Variants in SPATA13 observed in about 807,000 individuals in gnomAD.
The protein encoded by SPATA13 is spermatogenesis-associated protein 13.
Under a neutral mutation model 104.0 loss-of-function variants are expected in SPATA13, and 50 were observed. The observed-to-expected ratio is 0.48, with a 90% CI of 0.38 to 0.61. The LOEUF (loss-of-function observed/expected upper bound fraction) is 0.61. Among genes scored for constraint, SPATA13 ranks in the 20% least tolerant of loss-of-function variants. The pLI, the probability that SPATA13 is intolerant of heterozygous loss-of-function variation, is 0.00. For missense variants in SPATA13, 1,524 were observed against 1,690.6 expected (o/e 0.90, Z 1.73); for synonymous variants, 606 against 667.5 (o/e 0.91, Z 1.42).
chr13:24,200,813 A>G (rs1870353348), intron 1 of SPATA13, among the ~76,000 whole-genome samples: 1 of 151,946 alleles, frequency 6.6e-6, no homozygotes, highest in African/African-American at 2.4e-5. Flanking sequence ...ATCAAGTTTA[A>G]AACAAATAAA....
chr13:24,123,603 G>A, intron 3 of SPATA13: 3 of 1,606,956 alleles, frequency 1.9e-6, no homozygotes, highest in African/African-American at 2.7e-5. Flanking sequence ...ACTACAGGCT[G>A]TAAACAAAAG....
At chr13:24,044,376 G>A (rs539573012) in intron 3 of SPATA13, among the ~76,000 whole-genome samples, 9 of 151,898 alleles carry the variant, frequency 5.9e-5, no homozygotes, top group Non-Finnish European at 1.5e-5. Flanking sequence ...GGGACTACAG[G>A]CACCTGCCAC....
chr13:24,176,298 T>C (rs1282252446), intron 1 of SPATA13, among the ~76,000 whole-genome samples: 1 of 152,228 alleles, frequency 6.6e-6, no homozygotes, highest in African/African-American at 2.4e-5. Flanking sequence ...CTGGTGTCAG[T>C]ACTAAAGTTG....
At chr13:24,222,121 C>A (rs972997185) in intron 1 of SPATA13, among the ~76,000 whole-genome samples, 1 of 152,180 alleles carries the variant, frequency 6.6e-6, no homozygotes, top group Non-Finnish European at 1.5e-5. Context: ...CCCTGAATTT[C>A]TAATATACTT....
chr13:24,043,047 A>G (rs914642061), intron 3 of SPATA13, among the ~76,000 whole-genome samples: 1 of 152,218 alleles, frequency 6.6e-6, no homozygotes, highest in Admixed American at 6.5e-5. Context: ...GTTGAGTGGA[A>G]CACACACAAA....
intron 3 of SPATA13, among the ~76,000 whole-genome samples, chr13:24,099,159 A>G (rs1880178233): frequency 6.6e-6 from 1 of 152,180 alleles, no homozygotes; most frequent in Admixed American, 6.5e-5. Flanking sequence ...GAACCAATCC[A>G]TTCTCTTGAA....
At chr13:24,099,660 C>G (rs986148332) in intron 3 of SPATA13, among the ~76,000 whole-genome samples, 1 of 152,170 alleles carries the variant, frequency 6.6e-6, no homozygotes, top group Non-Finnish European at 1.5e-5. Context: ...GGACCAGGCC[C>G]CTGGATGTAG....
chr13:24,172,072 C>T (rs1281800087), intron 1 of SPATA13, among the ~76,000 whole-genome samples: 1 of 152,192 alleles, frequency 6.6e-6, no homozygotes, highest in Non-Finnish European at 1.5e-5. Flanking sequence ...CCCATCACCA[C>T]AGGATCCCTC....
chr13:24,197,602 A>AAG (rs926911549), intron 1 of SPATA13, among the ~76,000 whole-genome samples: 6 of 152,228 alleles, frequency 3.9e-5, no homozygotes, highest in African/African-American at 1.2e-4. Context: ...ATGAGAAAAA[A>AAG]AGAAATCTGA....
intron 7 of SPATA13, 149 bp from the exon 8 acceptor site, chr13:24,288,850 A>G (rs1035281637): frequency 1.8e-6 from 1 of 569,978 alleles, no homozygotes; most frequent in Non-Finnish European, 2.8e-6. Context: ...AATTGCAGTC[A>G]TGGAAGTACG....
chr13:24,130,514 T>A (rs1051688524), intron 3 of SPATA13, among the ~76,000 whole-genome samples: 4 of 152,216 alleles, frequency 2.6e-5, no homozygotes, highest in African/African-American at 9.7e-5. Flanking sequence ...GGGGTCAGTG[T>A]TCTGATTTAT....
At position 24,052,737 on chromosome 13, in the gene SPATA13, C is replaced by G. The variant is rs571637182; in HGVS notation, c.-112+35036C>G. Among the ~76,000 whole-genome samples, 37 of 151,050 alleles carry G rather than the reference C, an allele frequency of 2.4e-4. No individual in the cohort carries two copies. The East Asian group carries it at 7.0e-3, about 29-fold the overall frequency. On this transcript the variant is annotated intron_variant, in intron 3 of 14. Transcript: ENST00000424834. ...ATTTTATAAACAGAATATAAATATT[C>G]AGCATCCTGGCCTTGGACCCACGAC...
intron 2 of SPATA13, among the ~76,000 whole-genome samples, chr13:24,241,988 G>C (rs888384447): frequency 9.1e-4 from 139 of 151,980 alleles, no homozygotes; most frequent in Non-Finnish European, 9.0e-4. Flanking sequence ...GGGAGTTCAA[G>C]GCTGCAGTGA....
chr13:24,290,164 TGGC>T (rs1414247043), intron 8 of SPATA13, among the ~76,000 whole-genome samples: 1 of 152,142 alleles, frequency 6.6e-6, no homozygotes, highest in Non-Finnish European at 1.5e-5. Flanking sequence ...GAAGGGGTCT[TGGC>T]GGGCCCAGCC....
At chr13:24,270,779 T>A in intron 4 of SPATA13, 1 of 1,609,156 alleles carries the variant, frequency 6.2e-7, no homozygotes, top group Non-Finnish European at 8.5e-7. Flanking sequence ...GCCTGTGCAG[T>A]CCTCTGTGAT....
intron 3 of SPATA13, among the ~76,000 whole-genome samples, chr13:24,114,914 G>A (rs764827023): frequency 2.0e-5 from 3 of 152,102 alleles, no homozygotes; most frequent in African/African-American, 7.2e-5. Context: ...CGCCCACCTC[G>A]GCCTCCCAAA....
intron 2 of SPATA13, among the ~76,000 whole-genome samples, chr13:24,233,992 C>G (rs895430114): frequency 6.6e-6 from 1 of 152,006 alleles, no homozygotes; most frequent in Non-Finnish European, 1.5e-5. Context: ...TAGTTTTGAA[C>G]TTTCCAGTGG....
At chr13:24,113,465 G>C (rs1008774793) in intron 3 of SPATA13, among the ~76,000 whole-genome samples, 1 of 152,034 alleles carries the variant, frequency 6.6e-6, no homozygotes, top group South Asian at 2.1e-4. Flanking sequence ...TTAGCCAAGC[G>C]TGGTGGCATG....
chr13:24,041,826 G>A (rs1474456308), intron 3 of SPATA13, among the ~76,000 whole-genome samples: 1 of 152,184 alleles, frequency 6.6e-6, no homozygotes, highest in Non-Finnish European at 1.5e-5. Context: ...GGGAAGGCTG[G>A]CCTCAGCCGA....
Sources: gnomAD v4.1 joint callset for allele counts (sites outside exome capture counted in the v4.1 genomes callset) on GRCh38, gnomAD v4.1.1 for gene constraint, MANE v1.5 for transcripts, NCBI Gene and HGNC (gene_info 2026-07-23, HGNC 2026-07-21) for gene names.